The following MYH13 variants were observed in gnomAD, a reference collection of about 807,000 sequenced individuals.
MYH13 encodes the protein myosin heavy chain 13.
A neutral mutation model predicts 232.1 loss-of-function variants in MYH13; 177 were observed. The ratio of observed to expected loss-of-function variants is 0.76; its 90% confidence interval spans 0.67 to 0.86. MYH13 has a LOEUF of 0.86. Ranked by LOEUF, MYH13 falls within the 40% of genes least tolerant of loss-of-function variation. The probability of loss-of-function intolerance (pLI) is 0.00; values close to 1 mark genes in which losing one functional copy is unlikely to be tolerated. For missense variants in MYH13, 2,246 were observed against 2,405.9 expected (o/e 0.93, Z 1.39); for synonymous variants, 884 against 923.5 (o/e 0.96, Z 0.78).
At chr17:10,305,340 G>C (rs1906240128) in intron 37 of MYH13, among the ~76,000 whole-genome samples, 1 of 152,174 alleles carries the variant, frequency 6.6e-6, no homozygotes, top group Non-Finnish European at 1.5e-5. Flanking sequence ...TAGTGGAATA[G>C]GACTGGGGAT....
chr17:10,329,666 G>A (rs573566923), intron 21 of MYH13, among the ~76,000 whole-genome samples: 1 of 152,276 alleles, frequency 6.6e-6, no homozygotes, highest in Admixed American at 6.5e-5. Flanking sequence ...CCACTCTCAG[G>A]TTGTGTAGAG....
intron 26 of MYH13, among the ~76,000 whole-genome samples, chr17:10,319,775 C>CTA (rs545966845): frequency 6.5e-4 from 99 of 152,212 alleles, no homozygotes; most frequent in Admixed American, 2.9e-3. Context: ...TGCATGTGTA[C>CTA]TATATATTTT....
At chr17:10,312,171 G>C in intron 31 of MYH13, 95 bp from the exon 32 acceptor site, 4 of 1,398,656 alleles carry the variant, frequency 2.9e-6, no homozygotes, top group Non-Finnish European at 2.0e-6. Flanking sequence ...CCAACGTTTT[G>C]CCCTTCCATC....
At chr17:10,315,655 C>A in intron 29 of MYH13, 38 bp downstream of exon 29, 2 of 1,576,398 alleles carry the variant, frequency 1.3e-6, no homozygotes, top group South Asian at 1.1e-5. Flanking sequence ...GGTCATATAG[C>A]CTGGCTTCTC....
At chr17:10,311,813 TG>T in intron 32 of MYH13, 97 bp downstream of exon 32, 1 of 1,391,470 alleles carries the variant, frequency 7.2e-7, no homozygotes, top group Non-Finnish European at 1.0e-6. Flanking sequence ...TGTGGGGCAG[TG>T]GGAAGGAGGT....
At chr17:10,318,769 G>A in intron 27 of MYH13, 21 bp downstream of exon 27, 1 of 1,613,140 alleles carries the variant, frequency 6.2e-7, no homozygotes, top group Non-Finnish European at 8.5e-7. Flanking sequence ...TTCTCCAAGA[G>A]CAGAAGGGCC....
In MYH13 at chr17:10,330,375, G is replaced by T; in HGVS notation, c.2435+12C>A. On this transcript the variant is annotated intron_variant, in intron 21 of 40. Transcript: ENST00000252172. The stretch of plus-strand genomic sequence containing the variant: ...GAGGGCAGGATAAGGTGGAGGTGAG[G>T]GTCTGTGTCACCTCCTCTCCATCAT... 1 of 1,613,310 alleles carries T rather than the reference G, an allele frequency of 6.2e-7. No homozygotes were observed. The highest frequency in any genetic ancestry group is 1.1e-5 in the South Asian group (1 of 90,882).
intron 39 of MYH13, among the ~76,000 whole-genome samples, chr17:10,302,700 T>G (rs1419847739): frequency 6.6e-6 from 1 of 152,054 alleles, no homozygotes; most frequent in Non-Finnish European, 1.5e-5. Context: ...TTCACCTATT[T>G]GATCAAAGGG....
At chr17:10,346,023 A>AG (rs2071664039) in intron 13 of MYH13, among the ~76,000 whole-genome samples, 2 of 142,808 alleles carry the variant, frequency 1.4e-5, no homozygotes, top group African/African-American at 5.3e-5. Flanking sequence ...ACAAAAGAAA[A>AG]AAAGAAAATC....
chr17:10,309,921 G>GT (rs1453578321), intron 33 of MYH13, 91 bp from the exon 34 acceptor site: 6 of 1,033,370 alleles, frequency 5.8e-6, no homozygotes, highest in African/African-American at 3.4e-5. Flanking sequence ...ATGGGTATGC[G>GT]TTTTTTTAAA....
intron 2 of MYH13, among the ~76,000 whole-genome samples, chr17:10,370,683 T>C (rs9906339): frequency 0.025 from 3,822 of 152,332 alleles, 186 homozygotes; most frequent in African/African-American, 0.087. Context: ...GTGCTCATGA[T>C]TCAATGACAG....
intron 23 of MYH13, among the ~76,000 whole-genome samples, 191 bp downstream of exon 23, chr17:10,323,831 A>AGAAGAAGAAG (rs1555549901): frequency 2.1e-5 from 3 of 142,052 alleles, no homozygotes; most frequent in African/African-American, 7.8e-5. Flanking sequence ...AAGAAGAAGA[A>AGAAGAAGAAG]GAGTCTATGG....
intron 29 of MYH13, among the ~76,000 whole-genome samples, chr17:10,314,820 C>G (rs763115778): frequency 5.3e-5 from 8 of 152,206 alleles, no homozygotes; most frequent in Non-Finnish European, 1.2e-4. Flanking sequence ...ACAGTAGGTA[C>G]AGTGGGGACA....
chr17:10,313,777 A>G lies in MYH13; in HGVS notation c.3985-423T>C, dbSNP rs1234069257. The stretch of plus-strand genomic sequence containing the variant: ...CTGAGGCCTTTTCCTTGATATAATC[A>G]GAAGGATTGGAACAATTAAAAAGGG... On this transcript the variant is annotated intron_variant, in intron 29 of 40. Transcript: ENST00000252172. Among the ~76,000 whole-genome samples, 3 of 152,360 alleles carry G rather than the reference A, an allele frequency of 2.0e-5. No homozygotes were observed. In the East Asian group the frequency reaches 5.8e-4, roughly 29 times the overall value.
chr17:10,313,390 T>C lies in MYH13; in HGVS notation c.3985-36A>G, dbSNP rs762136007. On this transcript the variant is annotated intron_variant, in intron 29 of 40. Coordinates refer to ENST00000252172, the MANE Select transcript of MYH13 (RefSeq NM_003802.3). ...CAGCGGTGACAAATTGCAAAAACAT[T>C]TGACCCTTTTCCAAGTTCAGGTATT... The C allele has an allele frequency of 7.4e-6, 12 of 1,613,734 alleles. No homozygotes were observed. The African/African-American group carries it at 1.1e-4, about 14-fold the overall frequency.
chr17:10,303,085 C>A, intron 39 of MYH13, 111 bp downstream of exon 39: 2 of 876,116 alleles, frequency 2.3e-6, no homozygotes, highest in Admixed American at 2.1e-5. Context: ...CCTGCAAATA[C>A]AAACTCAGGC....
intron 3 of MYH13, among the ~76,000 whole-genome samples, chr17:10,363,904 T>C (rs1414021299): frequency 1.3e-5 from 2 of 152,222 alleles, no homozygotes; most frequent in African/African-American, 4.8e-5. Flanking sequence ...TGCTATGACC[T>C]AGACCTGGTA....
chr17:10,332,335 G>T, intron 19 of MYH13, 113 bp from the exon 20 acceptor site: 1 of 1,368,264 alleles, frequency 7.3e-7, no homozygotes, highest in Non-Finnish European at 1.0e-6. Flanking sequence ...GTGGAATACT[G>T]TACAGCTGGT....
intron 5 of MYH13, among the ~76,000 whole-genome samples, chr17:10,361,417 G>A (rs2071792317): frequency 6.6e-6 from 1 of 151,636 alleles, no homozygotes; most frequent in Non-Finnish European, 1.5e-5. Flanking sequence ...TCAGCCTCCT[G>A]AGTAGCTGGG....
Sources: gnomAD v4.1 joint callset for allele counts (sites outside exome capture counted in the v4.1 genomes callset) on GRCh38, gnomAD v4.1.1 for gene constraint, MANE v1.5 for transcripts, NCBI Gene and HGNC (gene_info 2026-07-23, HGNC 2026-07-21) for gene names.